Variants in HDAC4 observed in about 807,000 individuals in gnomAD.
HDAC4 encodes the protein histone deacetylase A.
Under a neutral mutation model 135.1 loss-of-function variants are expected in HDAC4, and 16 were observed. The ratio of observed to expected loss-of-function variants is 0.12; its 90% CI spans 0.08 to 0.18. The LOEUF is 0.18. Among genes scored for constraint, HDAC4 ranks in the 10% least tolerant of loss-of-function variants. The pLI is 1.00. For missense variants in HDAC4, 1,143 were observed against 1,511.8 expected, an observed-to-expected ratio of 0.76 and a Z score of 4.05; for synonymous variants, 685 against 653.4, an observed-to-expected ratio of 1.05 and a Z score of -0.74.
chr2:239,227,404 C>T (rs946942469), intron 3 of HDAC4, among the ~76,000 whole-genome samples: 1 of 152,166 alleles, frequency 6.6e-6, no homozygotes, highest in Non-Finnish European at 1.5e-5. Flanking sequence ...GTCACAGGGG[C>T]TAAGCAGCCT....
chr2:239,190,742 G>T (rs2044885898), intron 3 of HDAC4, among the ~76,000 whole-genome samples: 1 of 152,244 alleles, frequency 6.6e-6, no homozygotes, highest in Admixed American at 6.5e-5. Context: ...ACCTCGCGAA[G>T]AAATGGATTT....
intron 22 of HDAC4, among the ~76,000 whole-genome samples, chr2:239,078,132 T>A (rs1240654572): frequency 6.6e-6 from 1 of 152,166 alleles, no homozygotes. Flanking sequence ...TTCATCGTCA[T>A]CGTCATCTCC....
chr2:239,057,745 T>C (rs1208858086), intron 24 of HDAC4, among the ~76,000 whole-genome samples: 1 of 152,190 alleles, frequency 6.6e-6, no homozygotes, highest in Non-Finnish European at 1.5e-5. Flanking sequence ...ATGAGTGTTT[T>C]CCCAAGGGAC....
chr2:239,239,662 C>T (rs1043578420), intron 2 of HDAC4, among the ~76,000 whole-genome samples: 4 of 152,210 alleles, frequency 2.6e-5, no homozygotes, highest in Non-Finnish European at 5.9e-5. Flanking sequence ...AGAGATGCTG[C>T]TTGTTCTCGT....
At chr2:239,222,912 TG>T (rs2047043565) in intron 3 of HDAC4, among the ~76,000 whole-genome samples, 1 of 152,184 alleles carries the variant, frequency 6.6e-6, no homozygotes, top group South Asian at 2.1e-4. Flanking sequence ...CCACACCTCC[TG>T]GAACACCACC....
chr2:239,359,867 A>G (rs1021516766), intron 1 of HDAC4, among the ~76,000 whole-genome samples: 2 of 152,212 alleles, frequency 1.3e-5, no homozygotes, highest in Admixed American at 1.3e-4. Context: ...CAGAATATCA[A>G]TGCCCACAGT....
chr2:239,265,118 G>A (rs2049641020), intron 2 of HDAC4, among the ~76,000 whole-genome samples: 1 of 152,140 alleles, frequency 6.6e-6, no homozygotes, highest in African/African-American at 2.4e-5. Context: ...CACCTCCCTT[G>A]AACCACTGTG....
intron 2 of HDAC4, among the ~76,000 whole-genome samples, chr2:239,314,066 C>A (rs2053010892): frequency 1.3e-5 from 2 of 152,128 alleles, no homozygotes; most frequent in Admixed American, 6.5e-5. Flanking sequence ...TCCCAGACCC[C>A]TCGCAATGGT....
chr2:239,232,600 TTCCCCTCACCAA>T (rs2047643478), intron 3 of HDAC4, among the ~76,000 whole-genome samples: 4 of 108,848 alleles, frequency 3.7e-5, no homozygotes, highest in Admixed American at 9.6e-5. Flanking sequence ...AGGGTGGCCC[TTCCCCTCACCAA>T]GCCAAGGGTG....
chr2:239,107,376 C>T (rs750206156), intron 15 of HDAC4, among the ~76,000 whole-genome samples: 40 of 152,220 alleles, frequency 2.6e-4, no homozygotes, highest in Non-Finnish European at 4.4e-4. Flanking sequence ...CCGCTGCCAT[C>T]GCCTGGCGGC....
rs910248112 is a variant in HDAC4, at chr2:239,050,554, T to G, written c.*2543A>C. 4 of 152,626 alleles carry G rather than the reference T, an allele frequency of 2.6e-5. No individual in the cohort carries two copies. The highest frequency in any genetic ancestry group is 9.7e-5 in the African/African-American group (4 of 41,450). 9.5% of individuals were successfully genotyped at this position (152,626 alleles called of 1,614,324 possible). On this transcript the variant is annotated 3_prime_UTR_variant, in exon 27 of 27. Coordinates refer to ENST00000543185, the MANE Select transcript of HDAC4 (RefSeq NM_001378414.1). ...CAAGTCCCAAGACCGTTCTGCCTGCTCTCAAACCACTGTCTCAGAGCTGAC... is the reference window on the plus strand; with the variant it reads ...CAAGTCCCAAGACCGTTCTGCCTGCGCTCAAACCACTGTCTCAGAGCTGAC...
chr2:239,283,135 G>A (rs2050917348), intron 2 of HDAC4, among the ~76,000 whole-genome samples: 1 of 152,396 alleles, frequency 6.6e-6, no homozygotes, highest in African/African-American at 2.4e-5. Flanking sequence ...CTGAGGCTGA[G>A]GGTGCAGAGG....
intron 24 of HDAC4, among the ~76,000 whole-genome samples, chr2:239,060,329 T>C (rs1194347458): frequency 1.3e-5 from 2 of 152,210 alleles, no homozygotes; most frequent in African/African-American, 2.4e-5. Flanking sequence ...TGGTCACCAA[T>C]GTGTGGAGAA....
At position 239,262,446 on chromosome 2, in the gene HDAC4, G is replaced by C. The variant is rs1370953285; in HGVS notation, c.23-25782C>G. Among the ~76,000 whole-genome samples, 1 of 152,232 alleles carries C rather than the reference G, an allele frequency of 6.6e-6. No homozygotes were observed. The highest frequency in any genetic ancestry group is 1.5e-5 in the Non-Finnish European group (1 of 68,032). The stretch of plus-strand genomic sequence containing the variant: ...AAAGAGAAGCTTTTGTGAAAGCAGA[G>C]ATAGAAATTTAATTAGAAACAGACG... On this transcript the variant is annotated intron_variant, in intron 2 of 26. Transcript: ENST00000543185. This position sits in a 1 kb window ranked among gnomAD's most constrained non-coding sequence, Gnocchi z 4.1.
chr2:239,071,188 T>C (rs1048106551), intron 22 of HDAC4, among the ~76,000 whole-genome samples: 7 of 151,904 alleles, frequency 4.6e-5, no homozygotes, highest in African/African-American at 1.7e-4. Flanking sequence ...GAGGCTGAGG[T>C]GGGCAGATCA....
intron 3 of HDAC4, among the ~76,000 whole-genome samples, chr2:239,199,960 G>A (rs866236391): frequency 6.6e-6 from 1 of 152,054 alleles, no homozygotes; most frequent in African/African-American, 2.4e-5. Flanking sequence ...GGATGGTCTC[G>A]ATCTCCTGAC....
chr2:239,292,498 CA>C (rs2051583782), intron 2 of HDAC4, among the ~76,000 whole-genome samples: 1 of 152,194 alleles, frequency 6.6e-6, no homozygotes, highest in Non-Finnish European at 1.5e-5. Flanking sequence ...CCCACCACTC[CA>C]GCGAGAAACC....
chr2:239,355,703 T>C (rs2125934413), intron 1 of HDAC4, among the ~76,000 whole-genome samples: 1 of 152,202 alleles, frequency 6.6e-6, no homozygotes, highest in African/African-American at 2.4e-5. Context: ...AAAGGTGAGG[T>C]TTGTTTCTGT....
At chr2:239,231,420 G>T (rs2047546516) in intron 3 of HDAC4, among the ~76,000 whole-genome samples, 1 of 151,450 alleles carries the variant, frequency 6.6e-6, no homozygotes, top group Non-Finnish European at 1.5e-5. Context: ...CCCTGGGACA[G>T]CGGCCACGGG....
Sources: allele counts gnomAD v4.1 joint callset (sites outside exome capture counted in the v4.1 genomes callset), GRCh38; gene constraint gnomAD v4.1.1; non-coding constraint Gnocchi (gnomAD v3.1); transcripts MANE v1.5; gene names NCBI Gene and HGNC (gene_info 2026-07-23, HGNC 2026-07-21).